Variants in PARP11 observed in about 807,000 individuals in gnomAD.
PARP11 encodes poly(ADP-ribose) polymerase family member 11, also known as protein mono-ADP-ribosyltransferase PARP11.
A neutral mutation model predicts 42.9 loss-of-function variants in PARP11; 31 were observed. That is an observed-to-expected ratio of 0.72 (90% CI 0.54 to 0.98). PARP11 has a LOEUF of 0.98. PARP11 is among the 50% of genes least tolerant of loss of function. The probability of loss-of-function intolerance (pLI) is 0.00; values close to 1 mark genes in which losing one functional copy is unlikely to be tolerated. For missense variants in PARP11, 365 were observed against 413.1 expected, an observed-to-expected ratio of 0.88 and a Z score of 1.01; for synonymous variants, 137 against 127.3, an observed-to-expected ratio of 1.08 and a Z score of -0.51.
At chr12:3,830,467 A>G (rs1225189754) in intron 1 of PARP11, among the ~76,000 whole-genome samples, 1 of 152,226 alleles carries the variant, frequency 6.6e-6, no homozygotes, top group African/African-American at 2.4e-5. Flanking sequence ...TGTTGAGTGT[A>G]AAAGATTACA....
chr12:3,868,782 T>C lies in PARP11; in HGVS notation c.18+4430A>G, dbSNP rs1222257302. 2.0e-5 allele frequency among the ~76,000 whole-genome samples: 3 copies of C among 152,212 alleles called. No individual in the cohort carries two copies. In the East Asian group the frequency reaches 5.8e-4, roughly 29 times the overall value. ...CCTTCGTCTCTACCCTGGACTACAC[T>C]ATAACCTCCTAATTAGTCTTCCTAC... On this transcript the variant is annotated intron_variant, in intron 1 of 7. Coordinates refer to ENST00000228820, the MANE Select transcript of PARP11 (RefSeq NM_020367.6).
At chr12:3,833,964 G>A (rs1213287472) in intron 1 of PARP11, among the ~76,000 whole-genome samples, 1 of 149,538 alleles carries the variant, frequency 6.7e-6, no homozygotes, top group Non-Finnish European at 1.5e-5. Context: ...GTTCTGGAGA[G>A]GTGACACAGA....
intron 1 of PARP11, among the ~76,000 whole-genome samples, chr12:3,834,311 G>A (rs1346498239): frequency 6.6e-6 from 1 of 152,170 alleles, no homozygotes; most frequent in Non-Finnish European, 1.5e-5. Flanking sequence ...TTGGAACAGA[G>A]AGCAGAACCC....
At chr12:3,812,865 C>T (rs971922774) in intron 7 of PARP11, among the ~76,000 whole-genome samples, 57 of 152,092 alleles carry the variant, frequency 3.7e-4, no homozygotes, top group African/African-American at 1.2e-3. Context: ...TGCAGTGGCG[C>T]GATCTCAGCT....
rs1565537174 is a variant in PARP11, at chr12:3,830,028, CAGA to C, written c.19-13_19-11del. Reference sequence around the variant, plus strand: ...CTTTGTGAAACATCTCCTGAAAAGCCAGAAGGAGGTGGAGGAAGAAATAATTCT... The same window carrying C: ...CTTTGTGAAACATCTCCTGAAAAGCCAGGAGGTGGAGGAAGAAATAATTCT... On this transcript the variant is annotated splice_polypyrimidine_tract_variant and intron_variant, in intron 1 of 7. Coordinates refer to ENST00000228820, the MANE Select transcript of PARP11 (RefSeq NM_020367.6). 6.2e-7 allele frequency: 1 copy of C among 1,612,080 alleles called. No homozygotes were observed. Among genetic ancestry groups the C allele is most frequent in the Non-Finnish European group, 8.5e-7 (1 of 1,178,364 alleles).
rs1384586860 is a variant in PARP11, at chr12:3,861,853, TCTC to T, written c.18+11356_18+11358del. On this transcript the variant is annotated intron_variant, in intron 1 of 7. Transcript: ENST00000228820. The surrounding 1 kb of genome is among the most constrained non-coding windows in gnomAD (Gnocchi z 4.6). ...TCCTGGCTAACACGGTGAAACCCCGTCTCTACCAAAAATACAAAAAAATTAGCC... is the reference window on the plus strand; with the variant it reads ...TCCTGGCTAACACGGTGAAACCCCGTTACCAAAAATACAAAAAAATTAGCC... Among the ~76,000 whole-genome samples, 1 of 151,442 alleles carries T rather than the reference TCTC, an allele frequency of 6.6e-6. No individual in the cohort carries two copies. Among genetic ancestry groups the T allele is most frequent in the Non-Finnish European group, 1.5e-5 (1 of 67,888 alleles).
chr12:3,815,258 C>T (rs539824406), intron 6 of PARP11, among the ~76,000 whole-genome samples: 1 of 152,338 alleles, frequency 6.6e-6, no homozygotes, highest in Admixed American at 6.5e-5. Context: ...CAAGTACTCA[C>T]AGCATCACGT....
intron 1 of PARP11, among the ~76,000 whole-genome samples, chr12:3,855,614 C>G (rs958551512): frequency 3.9e-5 from 6 of 152,034 alleles, no homozygotes; most frequent in African/African-American, 1.4e-4. Context: ...CACTGCTCAA[C>G]GAAATAAAAG....
chr12:3,823,737 G>A (rs1362507994), intron 4 of PARP11, among the ~76,000 whole-genome samples: 2 of 151,804 alleles, frequency 1.3e-5, no homozygotes, highest in African/African-American at 2.4e-5. Context: ...GCAACAGAGT[G>A]AAACCCCATC....
At chr12:3,872,975 G>A (rs1301480909) in intron 1 of PARP11, 3 of 189,626 alleles carry the variant, frequency 1.6e-5, no homozygotes, top group African/African-American at 7.1e-5. Context: ...GAAACATCAC[G>A]GGAAGTAAAA....
intron 6 of PARP11, among the ~76,000 whole-genome samples, chr12:3,818,472 ACTCTTT>A (rs1007307412): frequency 1.3e-5 from 2 of 151,874 alleles, no homozygotes; most frequent in African/African-American, 4.8e-5. Flanking sequence ...CTGCCCTTCC[ACTCTTT>A]CTCTAAGTCT....
intron 1 of PARP11, chr12:3,872,732 G>C (rs1948511852): frequency 2.0e-6 from 2 of 985,180 alleles, no homozygotes; most frequent in African/African-American, 3.5e-5. Context: ...AGGTAAACCT[G>C]AGGCAAATGA....
Position 3,811,353 on chromosome 12 carries a change from C to G in PARP11, c.*770G>C, listed in dbSNP as rs1280704664. The G allele has an allele frequency of 6.6e-6, 1 of 152,162 alleles. No individual in the cohort carries two copies. The highest frequency in any genetic ancestry group is 1.5e-5 in the Non-Finnish European group (1 of 68,026). 9.4% of individuals were successfully genotyped at this position (152,162 alleles called of 1,614,324 possible). A position where few individuals can be genotyped will look rare whatever the true frequency, so the allele number is the denominator to read the frequency against. On this transcript the variant is annotated 3_prime_UTR_variant, in exon 8 of 8. Transcript: ENST00000228820. The stretch of plus-strand genomic sequence containing the variant: ...AATTTAAAGTTTCACTTTGAAGATG[C>G]AATAAACACCTTGCACAGCAAGTCG...
At chr12:3,864,695 AGTT>A (rs2138125213) in intron 1 of PARP11, among the ~76,000 whole-genome samples, 1 of 152,300 alleles carries the variant, frequency 6.6e-6, no homozygotes, top group African/African-American at 2.4e-5. Context: ...CTTGATATAA[AGTT>A]GTTCATAACA....
At chr12:3,826,301 T>G in intron 3 of PARP11, 68 bp from the exon 4 acceptor site, 1 of 1,114,756 alleles carries the variant, frequency 9.0e-7, no homozygotes. Flanking sequence ...TCATGAAGAT[T>G]AATAGCCACG....
intron 4 of PARP11, among the ~76,000 whole-genome samples, chr12:3,822,598 CA>C (rs36089402): frequency 0.35 from 32,603 of 93,204 alleles, 4,296 homozygotes; most frequent in East Asian, 0.51. Context: ...GACTCCGTCT[CA>C]AAAAAAAAAA....
chr12:3,818,902 T>C (rs1947342639), intron 6 of PARP11, among the ~76,000 whole-genome samples: 1 of 152,204 alleles, frequency 6.6e-6, no homozygotes, highest in South Asian at 2.1e-4. Flanking sequence ...CCTCTGTTCA[T>C]CCCTTCCAGA....
At position 3,873,391 on chromosome 12, in the gene PARP11, T is replaced by TTACAGACCACCCA; in HGVS notation, c.-163_-162insTGGGTGGTCTGTA. ...CCCCCTCCCTGTCACAAGCCAGCGT[T>TTACAGACCACCCA]TACAGACCACCCAACCTCCCGACTT... On this transcript the variant is annotated 5_prime_UTR_variant, in exon 1 of 8. The change creates a new upstream start codon in the 5' untranslated region. Coordinates refer to ENST00000228820, the MANE Select transcript of PARP11 (RefSeq NM_020367.6). 1.5e-6 allele frequency: 1 copy of TTACAGACCACCCA among 680,818 alleles called. No individual in the cohort carries two copies. The highest frequency in any genetic ancestry group is 2.8e-5 in the East Asian group (1 of 36,128). The allele number at this position is 680,818 out of a possible 1,614,324, so 42.2% of individuals were successfully genotyped here.
At chr12:3,842,171 G>C in intron 1 of PARP11, 12 of 1,611,882 alleles carry the variant, frequency 7.4e-6, no homozygotes, top group Non-Finnish European at 1.0e-5. Context: ...AAGATCCTAA[G>C]ACTGCTGCTG....
Sources: gnomAD v4.1 joint callset for allele counts (sites outside exome capture counted in the v4.1 genomes callset) on GRCh38, gnomAD v4.1.1 for gene constraint, Gnocchi (gnomAD v3.1) non-coding constraint, MANE v1.5 for transcripts, NCBI Gene and HGNC (gene_info 2026-07-23, HGNC 2026-07-21) for gene names.